The following COL18A1 variants were observed in gnomAD, a reference collection of about 807,000 sequenced individuals.
COL18A1 encodes collagen type XVIII alpha 1 chain, also known as collagen alpha-1(XVIII) chain.
Under a neutral mutation model 168.0 loss-of-function variants are expected in COL18A1, and 133 were observed. The observed-to-expected ratio is 0.79, with a 90% CI of 0.69 to 0.91. The LOEUF is 0.91. Among genes scored for constraint, COL18A1 ranks in the 40% least tolerant of loss-of-function variants. The pLI, the probability that COL18A1 is intolerant of heterozygous loss-of-function variation, is 0.00. For synonymous variants in COL18A1, 949 were observed against 809.0 expected, an observed-to-expected ratio of 1.17 and a Z score of -2.94; for missense variants, 2,126 against 1,925.4, an observed-to-expected ratio of 1.10 and a Z score of -1.95.
intron 25 of COL18A1, 78 bp from the exon 26 acceptor site, chr21:45,493,422 GC>G (rs946041549): frequency 7.3e-5 from 102 of 1,401,264 alleles, no homozygotes; most frequent in Non-Finnish European, 9.2e-5. Flanking sequence ...AGTCACAGCG[GC>G]CCTGCCTTCG....
chr21:45,476,168 C>T (rs973143005), intron 5 of COL18A1, among the ~76,000 whole-genome samples, 183 bp from the exon 6 acceptor site: 46 of 152,206 alleles, frequency 3.0e-4, no homozygotes, highest in African/African-American at 8.9e-4. Flanking sequence ...AGCCCACAGG[C>T]GGCCACACCC....
chr21:45,475,200 C>A (rs1023776829), intron 4 of COL18A1, among the ~76,000 whole-genome samples: 1 of 152,180 alleles, frequency 6.6e-6, no homozygotes, highest in Non-Finnish European at 1.5e-5. Context: ...TTCCCCCTCC[C>A]GCCTCCGCAT....
intron 2 of COL18A1, among the ~76,000 whole-genome samples, chr21:45,422,011 G>T (rs564911049): frequency 6.6e-6 from 1 of 151,998 alleles, no homozygotes; most frequent in African/African-American, 2.4e-5. Context: ...GGGCCGATAC[G>T]CACACATGGC....
chr21:45,506,028 TAAGG>T (rs2146089258), intron 37 of COL18A1, 62 bp downstream of exon 37: 1 of 1,610,894 alleles, frequency 6.2e-7, no homozygotes, highest in East Asian at 2.2e-5. Flanking sequence ...TCCTGGGGCT[TAAGG>T]AAGGCGAGAG....
chr21:45,452,892 CAT>C (rs1290510612), intron 2 of COL18A1, among the ~76,000 whole-genome samples: 44 of 151,760 alleles, frequency 2.9e-4, no homozygotes, highest in East Asian at 1.9e-4. Flanking sequence ...TCACATGTGA[CAT>C]GTGAGCATGT....
intron 2 of COL18A1, among the ~76,000 whole-genome samples, chr21:45,452,923 A>G (rs190223152): frequency 7.3e-5 from 11 of 151,070 alleles, no homozygotes; most frequent in African/African-American, 9.8e-5. Flanking sequence ...GTGTGTGAGT[A>G]TTCACATGTG....
rs2036568083 is a variant in COL18A1, at chr21:45,497,072, C to T, written c.2600C>T (p.Pro867Leu). 6.2e-7 allele frequency: 1 copy of T among 1,601,708 alleles called. No individual in the cohort carries two copies. The highest frequency in any genetic ancestry group is 1.1e-5 in the South Asian group (1 of 90,998). Residue 867 changes from proline to leucine, a missense_variant, in exon 31 of 42, where the codon CCC (proline) becomes CTC (leucine). Pro to Leu is a moderately conservative substitution (Grantham distance 98, BLOSUM62 -3). Coordinates refer to ENST00000651438, the MANE Select transcript of COL18A1 (RefSeq NM_001379500.1). ...DSNVFAESSR[P>L]GPPGLPGNQG... ...CAGGTGTTTGCTGAGTCCAGCCGCC[C>T]CGGGCCTCCAGGATTGCCAGGTGAG...
chr21:45,479,619 G>A (rs1354267334), intron 9 of COL18A1, among the ~76,000 whole-genome samples: 1 of 95,404 alleles, frequency 1.0e-5, no homozygotes, highest in Non-Finnish European at 2.5e-5. Flanking sequence ...ACACACACAT[G>A]TATGTAACAC....
At chr21:45,452,780 G>A (rs117115159) in intron 2 of COL18A1, among the ~76,000 whole-genome samples, 1,937 of 150,504 alleles carry the variant, frequency 0.013, 16 homozygotes, top group Non-Finnish European at 0.018. Context: ...ATTCACTGAC[G>A]TGTGAGCATG....
chr21:45,423,435 C>T lies in COL18A1; in HGVS notation c.106+17962C>T, dbSNP rs982257353. The stretch of plus-strand genomic sequence containing the variant: ...AAGGCGTGGAGCTCCACAAGCACCT[C>T]GGACGGCAGCAGGACCCTCCCAAAG... On this transcript the variant is annotated intron_variant, in intron 2 of 41. Coordinates refer to ENST00000651438, the MANE Select transcript of COL18A1 (RefSeq NM_001379500.1). The surrounding 1 kb of genome is among the most constrained non-coding windows in gnomAD (Gnocchi z 4.0). Among the ~76,000 whole-genome samples, 4 of 152,344 alleles carry T rather than the reference C, an allele frequency of 2.6e-5. No individual in the cohort carries two copies. The highest frequency in any genetic ancestry group is 3.9e-4 in the East Asian group (2 of 5,180).
Position 45,463,588 on chromosome 21 carries a change from G to A in COL18A1, c.107-4654G>A, listed in dbSNP as rs187532465. ...GTACTCCAGAATCATTTTCAAACAC[G>A]TTTCTTTCTGTCAAGAAATCAAGTC... is the stretch of plus-strand genomic sequence containing the variant. On this transcript the variant is annotated intron_variant, in intron 2 of 41. Transcript: ENST00000651438. The surrounding 1 kb of genome is among the most constrained non-coding windows in gnomAD (Gnocchi z 4.0). Among the ~76,000 whole-genome samples, 281 of 152,248 alleles carry A rather than the reference G, an allele frequency of 1.8e-3. 1 individual carries two copies. The highest frequency in any genetic ancestry group is 3.3e-3 in the Admixed American group (51 of 15,286).
chr21:45,503,801 A>T (rs566434095), intron 32 of COL18A1: 3 of 311,368 alleles, frequency 9.6e-6, no homozygotes, highest in African/African-American at 4.4e-5. Flanking sequence ...AATTTAAAAA[A>T]TTTAAAAATA....
At chr21:45,458,440 A>G (rs1332939279) in intron 2 of COL18A1, among the ~76,000 whole-genome samples, 2 of 151,880 alleles carry the variant, frequency 1.3e-5, no homozygotes, top group Non-Finnish European at 2.9e-5. Context: ...TTGGCATCTC[A>G]GGGCTTAGAT....
At chr21:45,405,588 C>A in intron 2 of COL18A1, 115 bp downstream of exon 2, 1 of 566,950 alleles carries the variant, frequency 1.8e-6, no homozygotes, top group Non-Finnish European at 2.5e-6. Flanking sequence ...GGTTCAGCCC[C>A]GGCCCTGCCC....
rs754934166 is a variant in COL18A1 at position 45,477,416 on chromosome 21, A to T, written c.934A>T (p.Thr312Ser). ...ACCTCTGCTTCTCTTCCCAGCTCAG[A>T]CACTTCCTGGCTCAGATTCTGTCTC... ...QTTVASLGAQ[T>S]LPGSDSVSTW... The change falls in exon 7 of 42, where the codon ACA (threonine) becomes TCA (serine). Residue 312 changes from threonine (T) to serine (S), a missense_variant. By Grantham distance (58) the Thr-to-Ser change is moderately conservative. Coordinates refer to ENST00000651438, the MANE Select transcript of COL18A1 (RefSeq NM_001379500.1). 6.2e-7 allele frequency: 1 copy of T among 1,612,718 alleles called. No individual in the cohort carries two copies. The highest frequency in any genetic ancestry group is 1.1e-5 in the South Asian group (1 of 90,714).
intron 2 of COL18A1, among the ~76,000 whole-genome samples, chr21:45,459,288 C>G (rs1295095636): frequency 6.6e-6 from 1 of 152,170 alleles, no homozygotes; most frequent in Non-Finnish European, 1.5e-5. Context: ...GGGTGAGGGG[C>G]AGGAGGAGGA....
At position 45,473,382 on chromosome 21, in the gene COL18A1, C is replaced by T. The variant is rs13050641; in HGVS notation, c.652-513C>T. ...CCAGGAAACTCCCCTACATCTGCGG[C>T]GTTTCTGTCCTTGGCTTCTGGGTTT... On this transcript the variant is annotated intron_variant, in intron 3 of 41. Transcript: ENST00000651438. The surrounding 1 kb of genome is among the most constrained non-coding windows in gnomAD (Gnocchi z 4.0). 1.2e-3 allele frequency among the ~76,000 whole-genome samples: 190 copies of T among 152,358 alleles called. No individual in the cohort carries two copies. Among genetic ancestry groups the T allele is most frequent in the Non-Finnish European group, 2.4e-3 (160 of 68,042 alleles).
chr21:45,505,881 A>C lies in COL18A1; in HGVS notation c.3131A>C (p.His1044Pro), dbSNP rs2037173826. ...CGCCAGGCCATGCTGGGCCAGGTGCACGAGGTTCCCGAGGGCTGGCTCATC... is the reference window on the plus strand; with the variant it reads ...CGCCAGGCCATGCTGGGCCAGGTGCCCGAGGTTCCCGAGGGCTGGCTCATC... ...ATRQAMLGQV[H>P]EVPEGWLIFV... is the part of the protein sequence containing the mutation. The change falls in exon 37 of 42, where the codon CAC becomes CCC. Residue 1044 changes from histidine to proline, a missense_variant. His to Pro is a moderately conservative substitution (Grantham distance 77). Transcript: ENST00000651438. 4 of 1,609,464 alleles carry C rather than the reference A, an allele frequency of 2.5e-6. No homozygotes were observed. The highest frequency in any genetic ancestry group is 3.4e-6 in the Non-Finnish European group (4 of 1,178,606).
chr21:45,423,503 C>G lies in COL18A1; in HGVS notation c.106+18030C>G, dbSNP rs2033690372. Among the ~76,000 whole-genome samples the G allele has an allele frequency of 6.7e-6, 1 of 150,358 alleles. No individual in the cohort carries two copies. Among genetic ancestry groups the G allele is most frequent in the Non-Finnish European group, 1.5e-5 (1 of 67,566 alleles). On this transcript the variant is annotated intron_variant, in intron 2 of 41. Coordinates refer to ENST00000651438, the MANE Select transcript of COL18A1 (RefSeq NM_001379500.1). The surrounding 1 kb of genome is among the most constrained non-coding windows in gnomAD (Gnocchi z 4.0). The stretch of plus-strand genomic sequence containing the variant: ...TGGGCGCCCGCCCCCCGCCCCCCGC[C>G]CCCCGGAGGGCCCGGCTCCAAGGGT...
Sources: gnomAD v4.1 joint callset for allele counts (sites outside exome capture counted in the v4.1 genomes callset) on GRCh38, gnomAD v4.1.1 for gene constraint, Gnocchi (gnomAD v3.1) non-coding constraint, MANE v1.5 for transcripts, NCBI Gene and HGNC (gene_info 2026-07-23, HGNC 2026-07-21) for gene names.